The following STRIP1 variants were observed in gnomAD, a reference collection of about 807,000 sequenced individuals.
STRIP1 encodes the protein striatin interacting protein 1, also known as striatin-interacting protein 1.
Under a neutral mutation model 106.2 loss-of-function variants are expected in STRIP1, and 63 were observed. The ratio of observed to expected loss-of-function variants is 0.59; its 90% CI spans 0.48 to 0.73. The LOEUF is 0.73. Ranked by LOEUF, STRIP1 falls within the 30% of genes least tolerant of loss-of-function variation. STRIP1 has a pLI of 0.00. For missense variants in STRIP1, 857 were observed against 1,074.8 expected, an observed-to-expected ratio of 0.80 and a Z score of 2.83; for synonymous variants, 390 against 413.0, an observed-to-expected ratio of 0.94 and a Z score of 0.67.
rs373617011 is a variant in STRIP1 at position 110,039,136 on chromosome 1, T to C, written c.326-36T>C. The stretch of plus-strand genomic sequence containing the variant: ...GGGTCCATGCCATTGTGAGGATTTT[T>C]CTAGGCTCAGGTGTAACTGGTTTCT... On this transcript the variant is annotated intron_variant, in intron 3 of 20. Transcript: ENST00000369795. The C allele has an allele frequency of 1.1e-5, 17 of 1,609,612 alleles. No individual in the cohort carries two copies. The African/African-American group carries it at 2.1e-4, about 20-fold the overall frequency.
At position 110,049,208 on chromosome 1, in the gene STRIP1, C is replaced by G; in HGVS notation, c.1758C>G (p.Leu586=). Residue 586 remains leucine, a synonymous_variant, in exon 16 of 21, where the codon CTC becomes CTG. Transcript: ENST00000369795. The part of the protein sequence containing the change: ...KAISAVLLLL[L]KHFKLNHVYQ... ...TTTCTGCTGTCCTGCTGCTGCTGCTCAAGCACTTTAAGTTGAACCATGTCT... is the reference window on the plus strand; with the variant it reads ...TTTCTGCTGTCCTGCTGCTGCTGCTGAAGCACTTTAAGTTGAACCATGTCT... 1 of 1,614,208 alleles carries G rather than the reference C, an allele frequency of 6.2e-7. No individual in the cohort carries two copies. Among genetic ancestry groups the G allele is most frequent in the Non-Finnish European group, 8.5e-7 (1 of 1,180,054 alleles).
chr1:110,039,871 C>A (rs929179188), intron 5 of STRIP1: 1 of 1,297,598 alleles, frequency 7.7e-7, no homozygotes, highest in African/African-American at 1.5e-5. Flanking sequence ...GGAGGCCAGG[C>A]ACAAGACTGA....
chr1:110,037,490 T>C (rs1557787232), intron 1 of STRIP1, among the ~76,000 whole-genome samples: 1 of 152,238 alleles, frequency 6.6e-6, no homozygotes, highest in Admixed American at 6.5e-5. Context: ...CATAGCATCA[T>C]ATGGAATGGT....
intron 20 of STRIP1, among the ~76,000 whole-genome samples, chr1:110,052,598 T>C (rs912503195): frequency 8.5e-5 from 13 of 152,066 alleles, no homozygotes; most frequent in Admixed American, 3.3e-4. Flanking sequence ...GCCTCCCAAG[T>C]AGCTGGGACT....
In STRIP1 at chr1:110,046,599, G is replaced by T. The variant is rs528168170; in HGVS notation, c.1417-81G>T. ...CAGAAGACTGTGTTTGAAGACAAAT[G>T]TGTGGGGATTTTGCTAGAGTGCAGG... On this transcript the variant is annotated intron_variant, in intron 12 of 20. Coordinates refer to ENST00000369795, the MANE Select transcript of STRIP1 (RefSeq NM_033088.4). 4.1e-5 allele frequency: 51 copies of T among 1,237,970 alleles called. No homozygotes were observed. In the African/African-American group the frequency reaches 7.0e-4, roughly 17 times the overall value. 76.7% of individuals were successfully genotyped at this position (1,237,970 alleles called of 1,614,324 possible).
In STRIP1 at chr1:110,047,792, G is replaced by T. The variant is rs760494061; in HGVS notation, c.1584G>T (p.Leu528=). 2 of 1,570,168 alleles carry T rather than the reference G, an allele frequency of 1.3e-6. No homozygotes were observed. The highest frequency in any genetic ancestry group is 2.3e-5 in the East Asian group (1 of 43,020). The stretch of plus-strand genomic sequence containing the variant: ...CCCAGATTGCCCTCCTGAAGATCCT[G>T]TTGGCTGCAGCACCCACCTCAAAAG... ...PQYMIALLKI[L]LAAAPTSKAK... is the part of the protein sequence containing the mutation. Residue 528 remains leucine, a synonymous_variant, in exon 15 of 21, where the codon CTG becomes CTT. Transcript: ENST00000369795.
At chr1:110,040,011 C>A in intron 5 of STRIP1, 1 of 726,558 alleles carries the variant, frequency 1.4e-6, no homozygotes, top group Non-Finnish European at 2.1e-6. Flanking sequence ...CCTGTGTGTC[C>A]CGGGCATTGT....
rs775282645 is a variant in STRIP1 at position 110,043,790 on chromosome 1, C to T, written c.1220C>T (p.Pro407Leu). The change falls in exon 10 of 21, where the codon CCG becomes CTG. Residue 407 changes from proline (P) to leucine (L), a missense_variant. By Grantham distance (98) the Pro-to-Leu change is moderately conservative. This residue lies in a region of STRIP1 where 750 missense variants were observed against 989.8 expected (regional missense o/e 0.76). Transcript: ENST00000369795. ...GAACGGGATGAAGTGATGCCTCCCC[C>T]GCTACAGCACCCACAGACTGACAGG... ...PLERDEVMPP[P>L]LQHPQTDRLT... The T allele has an allele frequency of 1.6e-5, 26 of 1,614,060 alleles. No individual in the cohort carries two copies. Among genetic ancestry groups the T allele is most frequent in the African/African-American group, 4.0e-5 (3 of 74,938 alleles).
intron 11 of STRIP1, 35 bp from the exon 12 acceptor site, chr1:110,044,980 T>A (rs1460582782): frequency 6.2e-7 from 1 of 1,613,888 alleles, no homozygotes. Flanking sequence ...TGATTTGATG[T>A]CGAGGCTCAA....
At position 110,037,815 on chromosome 1, in the gene STRIP1, A is replaced by G. The variant is rs994800278; in HGVS notation, c.181-76A>G. On this transcript the variant is annotated intron_variant, in intron 1 of 20. Transcript: ENST00000369795. Reference sequence around the variant, plus strand: ...GGAGGCAGTGGTGTCCTGTAACACAACAGCATCTCGAAGCATGAGTTTCTT... The same window carrying G: ...GGAGGCAGTGGTGTCCTGTAACACAGCAGCATCTCGAAGCATGAGTTTCTT... 19 of 1,046,956 alleles carry G rather than the reference A, an allele frequency of 1.8e-5. No homozygotes were observed. The African/African-American group carries it at 2.5e-4, about 14-fold the overall frequency. The allele number at this position is 1,046,956 out of a possible 1,614,324, so 64.9% of individuals were successfully genotyped here.
At chr1:110,031,698 G>A (rs1213744373), upstream of STRIP1, 1 of 151,920 alleles carries the variant, frequency 6.6e-6, no homozygotes, top group Admixed American at 6.6e-5. Context: ...AGTGCATGAA[G>A]ACACTTCTAC....
intron 12 of STRIP1, 78 bp from the exon 13 acceptor site, chr1:110,046,602 T>C (rs931211771): frequency 1.3e-4 from 159 of 1,265,504 alleles, no homozygotes; most frequent in Non-Finnish European, 1.7e-4. Context: ...GACAAATGTG[T>C]GGGGATTTTG....
rs774122881 is a variant in STRIP1, at chr1:110,051,829, G to A, written c.2208G>A (p.Met736Ile). ...GGCGAAAGAGCAACATGAAGACCAT[G>A]TCTGCCATCTACCAGAAGGTGCGGC... ...RQWRKSNMKT[M>I]SAIYQKVRHR... The change falls in exon 20 of 21, where the codon ATG becomes ATA. Residue 736 changes from methionine to isoleucine, a missense_variant. By Grantham distance (10) the Met-to-Ile change is conservative. Transcript: ENST00000369795. 1 of 1,613,524 alleles carries A rather than the reference G, an allele frequency of 6.2e-7. No individual in the cohort carries two copies. The highest frequency in any genetic ancestry group is 8.5e-7 in the Non-Finnish European group (1 of 1,180,020).
rs947598442 is a variant in STRIP1, at chr1:110,043,251, G to A, written c.1049G>A (p.Arg350Gln). The change falls in exon 9 of 21, where the codon CGG becomes CAG. Residue 350 changes from arginine to glutamine, a missense_variant. Coordinates refer to ENST00000369795, the MANE Select transcript of STRIP1 (RefSeq NM_033088.4). The part of the protein sequence containing the change: ...ASDLIEQQQK[R>Q]GRREHKALIK... ...GACTTGATTGAGCAGCAGCAGAAAC[G>A]GGGCCGCCGAGAGCACAAGGTGAGG... 12 of 1,611,694 alleles carry A rather than the reference G, an allele frequency of 7.4e-6. No individual in the cohort carries two copies. The highest frequency in any genetic ancestry group is 1.3e-5 in the African/African-American group (1 of 74,924).
chr1:110,044,620 T>G (rs1652929915), intron 10 of STRIP1, among the ~76,000 whole-genome samples: 1 of 152,236 alleles, frequency 6.6e-6, no homozygotes, highest in African/African-American at 2.4e-5. Context: ...ATAAACTAGT[T>G]AACATGTATT....
At chr1:110,052,906 C>G (rs10857809) in intron 20 of STRIP1, among the ~76,000 whole-genome samples, 22 of 152,220 alleles carry the variant, frequency 1.4e-4, no homozygotes, top group African/African-American at 5.3e-4. Flanking sequence ...TGTGCTGTTA[C>G]CTCCCTGAGT....
chr1:110,046,574 C>A, intron 12 of STRIP1, 106 bp from the exon 13 acceptor site: 1 of 969,060 alleles, frequency 1.0e-6, no homozygotes, highest in Non-Finnish European at 1.7e-6. Context: ...AATCCTCTTT[C>A]AGAAGACTGT....
intron 17 of STRIP1, 78 bp downstream of exon 17, chr1:110,049,638 C>T: frequency 4.7e-6 from 5 of 1,057,964 alleles, no homozygotes; most frequent in Non-Finnish European, 7.2e-6. Flanking sequence ...CCACTGTGTC[C>T]ATTTTTCCAG....
At chr1:110,045,174 C>G (rs1652961532) in intron 12 of STRIP1, 96 bp downstream of exon 12, 2 of 1,098,462 alleles carry the variant, frequency 1.8e-6, no homozygotes, top group East Asian at 4.8e-5. Flanking sequence ...TGTTGTCTGC[C>G]TGCAAGAACC....
Sources: allele counts gnomAD v4.1 joint callset (sites outside exome capture counted in the v4.1 genomes callset), GRCh38; gene constraint gnomAD v4.1.1; regional missense constraint gnomAD v4.1.1; transcripts MANE v1.5; gene names NCBI Gene and HGNC (gene_info 2026-07-23, HGNC 2026-07-21).